The following SMARCAD1 variants were observed in gnomAD, a reference collection of about 807,000 sequenced individuals.
SMARCAD1 encodes SNF2 related chromatin remodeling ATPase with DExD box 1.
SMARCAD1 carries 25 observed loss-of-function variants against 127.1 expected under a neutral mutation model. That is an observed-to-expected ratio of 0.20 (90% CI 0.14 to 0.27). SMARCAD1 has a LOEUF of 0.27. Among genes scored for constraint, SMARCAD1 ranks in the 10% least tolerant of loss-of-function variants. SMARCAD1 has a pLI of 1.00. For missense variants in SMARCAD1, 807 were observed against 1,206.0 expected (o/e 0.67, Z 4.90); for synonymous variants, 400 against 396.9 (o/e 1.01, Z -0.09).
chr4:94,208,457 C>T lies in SMARCAD1; in HGVS notation c.63C>T (p.Pro21=). The T allele has an allele frequency of 1.9e-6, 3 of 1,614,080 alleles. No homozygotes were observed. Among genetic ancestry groups the T allele is most frequent in the Non-Finnish European group, 2.5e-6 (3 of 1,180,022 alleles). ...FEKRNKIEEA[P]EATPQPSQPG... The stretch of plus-strand genomic sequence containing the variant: ...AAAGGAATAAGATTGAGGAAGCGCC[C>T]GAAGCAACCCCTCAACCTTCCCAGC... Residue 21 remains proline, a synonymous_variant, in exon 2 of 24, where the codon CCC becomes CCT. Coordinates refer to ENST00000354268, the MANE Select transcript of SMARCAD1 (RefSeq NM_020159.5).
At chr4:94,274,867 TG>T in intron 13 of SMARCAD1, 22 bp from the exon 14 acceptor site, 1 of 1,600,190 alleles carries the variant, frequency 6.2e-7, no homozygotes, top group Non-Finnish European at 8.6e-7. Flanking sequence ...AATAGTCATG[TG>T]TTTATTGTTT....
chr4:94,252,824 C>T lies in SMARCAD1; in HGVS notation c.1098C>T (p.Val366=), dbSNP rs367710018. Residue 366 remains valine, a synonymous_variant, in exon 9 of 24, where the codon GTC becomes GTT. Transcript: ENST00000354268. ...CTGAATATGATTCAGGTTCTGATGT[C>T]GGTAGTTCACTAGATGAGGACTATA... ...EDSEYDSGSD[V]GSSLDEDYSS... The T allele has an allele frequency of 2.3e-5, 37 of 1,613,908 alleles. No homozygotes were observed. Among genetic ancestry groups the T allele is most frequent in the South Asian group, 1.3e-4 (12 of 91,066 alleles).
At chr4:94,207,695 T>A (rs114036478), upstream of SMARCAD1, 1,452 of 154,794 alleles carry the variant, frequency 9.4e-3, 20 homozygotes, top group African/African-American at 0.033. Flanking sequence ...ATTTTTTTTT[T>A]ATTTTCAACC....
At position 94,252,837 on chromosome 4, in the gene SMARCAD1, G is replaced by A; in HGVS notation, c.1111G>A (p.Asp371Asn). ...DSGSDVGSSL[D>N]EDYSSGEEVM... ...AGGTTCTGATGTCGGTAGTTCACTA[G>A]ATGAGGACTATAGTAGTGGTGAAGA... The change falls in exon 9 of 24, where the codon GAT becomes AAT. Residue 371 changes from aspartate to asparagine, a missense_variant. Around this residue, in one of 8 missense-constraint regions of SMARCAD1, gnomAD observed 257 missense variants for 303.4 expected, o/e 0.85. Coordinates refer to ENST00000354268, the MANE Select transcript of SMARCAD1 (RefSeq NM_020159.5). The A allele has an allele frequency of 6.2e-7, 1 of 1,614,082 alleles. No homozygotes were observed. The highest frequency in any genetic ancestry group is 1.1e-5 in the South Asian group (1 of 91,080).
At chr4:94,246,385 C>T (rs1232483324) in intron 6 of SMARCAD1, among the ~76,000 whole-genome samples, 1 of 152,128 alleles carries the variant, frequency 6.6e-6, no homozygotes. Flanking sequence ...TCCCAGAGTG[C>T]TGGGATTACA....
At chr4:94,238,093 A>G (rs915962378) in intron 5 of SMARCAD1, among the ~76,000 whole-genome samples, 4 of 152,170 alleles carry the variant, frequency 2.6e-5, no homozygotes, top group Admixed American at 6.5e-5. Context: ...TGGACCCATC[A>G]TTCTCCAATA....
Position 94,234,107 on chromosome 4 carries a change from C to A in SMARCAD1, c.522C>A (p.Asp174Glu). The A allele has an allele frequency of 1.9e-6, 3 of 1,604,852 alleles. No individual in the cohort carries two copies. Among genetic ancestry groups the A allele is most frequent in the Non-Finnish European group, 2.6e-6 (3 of 1,174,698 alleles). ...AGGAACTTTTTCCACAAAGAAGTGA[C>A]AATGATTTACTTAAGGTTATATTCA... Reference protein sequence around the residue: ...TLKELFPQRSDNDLLKLIEST... With the variant: ...TLKELFPQRSENDLLKLIEST... Residue 174 changes from aspartate (D) to glutamate (E), a missense_variant, in exon 4 of 24, where the codon GAC (aspartate) becomes GAA (glutamate). Transcript: ENST00000354268.
intron 11 of SMARCAD1, among the ~76,000 whole-genome samples, chr4:94,271,319 C>T (rs1432188095): frequency 2.6e-5 from 4 of 152,228 alleles, no homozygotes; most frequent in Non-Finnish European, 4.4e-5. Flanking sequence ...GCGGTCTCTC[C>T]GGGTCTCTGT....
chr4:94,235,783 A>G lies in SMARCAD1; in HGVS notation c.538-1169A>G, dbSNP rs941241612. The stretch of plus-strand genomic sequence containing the variant: ...ATAAAGGGCCAAATCTCAGTTTAAA[A>G]ATACTTTCACTTGATTGCCAATTTT... On this transcript the variant is annotated intron_variant, in intron 4 of 23. Coordinates refer to ENST00000354268, the MANE Select transcript of SMARCAD1 (RefSeq NM_020159.5). Among the ~76,000 whole-genome samples, 10 of 152,212 alleles carry G rather than the reference A, an allele frequency of 6.6e-5. No individual in the cohort carries two copies. In the South Asian group the frequency reaches 2.1e-3, roughly 32 times the overall value.
At chr4:94,210,067 T>C (rs754934972) in intron 2 of SMARCAD1, among the ~76,000 whole-genome samples, 2 of 152,250 alleles carry the variant, frequency 1.3e-5, no homozygotes, top group African/African-American at 2.4e-5. Context: ...GTTTTAGTTA[T>C]TTATCAGTAT....
intron 7 of SMARCAD1, among the ~76,000 whole-genome samples, 159 bp from the exon 8 acceptor site, chr4:94,250,593 A>C (rs916799853): frequency 6.6e-6 from 1 of 152,150 alleles, no homozygotes; most frequent in Non-Finnish European, 1.5e-5. Flanking sequence ...GTGAAATTAC[A>C]CAGAAAGCAT....
chr4:94,231,251 C>G (rs1745799665), intron 3 of SMARCAD1, among the ~76,000 whole-genome samples: 1 of 151,988 alleles, frequency 6.6e-6, no homozygotes, highest in African/African-American at 2.4e-5. Flanking sequence ...CAGTCTTGAG[C>G]ACATTGCCGA....
At chr4:94,282,331 C>T (rs1222273308) in intron 21 of SMARCAD1, among the ~76,000 whole-genome samples, 1 of 150,840 alleles carries the variant, frequency 6.6e-6, no homozygotes, top group Non-Finnish European at 1.5e-5. Flanking sequence ...CTCCTGACCT[C>T]GTGATCCGCC....
chr4:94,278,443 A>G lies in SMARCAD1; in HGVS notation c.2104A>G (p.Ile702Val), dbSNP rs1169112891. Reference protein sequence around the residue: ...SKTKSADEQSIYEKERIAHAK... With the variant: ...SKTKSADEQSVYEKERIAHAK... The stretch of plus-strand genomic sequence containing the variant: ...TCAGAAATCAGCAGATGAGCAAAGC[A>G]TATATGAAAAGGAGAGAATAGCACA... The change falls in exon 17 of 24, where the codon ATA becomes GTA. Residue 702 changes from isoleucine (I) to valine (V), a missense_variant. Ile to Val is a conservative substitution (Grantham distance 29, BLOSUM62 3). This residue lies in a region of SMARCAD1 where 148 missense variants were observed against 313.2 expected (regional missense o/e 0.47). Transcript: ENST00000354268. The G allele has an allele frequency of 8.1e-6, 13 of 1,613,668 alleles. No individual in the cohort carries two copies. Among genetic ancestry groups the G allele is most frequent in the Non-Finnish European group, 9.3e-6 (11 of 1,179,772 alleles).
In SMARCAD1 at chr4:94,253,325, T is replaced by C. The variant is rs576865619; in HGVS notation, c.1281+318T>C. ...TTAGAGCTTACATTTAGGAAGGAGT[T>C]GTTTGCTAGCCTGTTCTGATCTGTT... On this transcript the variant is annotated intron_variant, in intron 9 of 23. Transcript: ENST00000354268. 5.2e-5 allele frequency: 70 copies of C among 1,340,088 alleles called. No homozygotes were observed. The African/African-American group carries it at 8.7e-4, about 17-fold the overall frequency. The allele number at this position is 1,340,088 out of a possible 1,614,324, so 83.0% of individuals were successfully genotyped here.
intron 5 of SMARCAD1, among the ~76,000 whole-genome samples, chr4:94,238,210 A>G (rs62320427): frequency 0.26 from 39,810 of 151,968 alleles, 6,477 homozygotes; most frequent in Non-Finnish European, 0.36. Context: ...AATTTCCTCC[A>G]GTTTGAGCAA....
chr4:94,270,786 C>G lies in SMARCAD1; in HGVS notation c.1540C>G (p.His514Asp). Reference sequence around the variant, plus strand: ...GAATTGGCTGGCATTGGTACATAAACATGGACTTAATGGCATTTTGGCAGA... The same window carrying G: ...GAATTGGCTGGCATTGGTACATAAAGATGGACTTAATGGCATTTTGGCAGA... ...GLNWLALVHK[H>D]GLNGILADEM... Residue 514 changes from histidine (H) to aspartate (D), a missense_variant, in exon 11 of 24, where the codon CAT (histidine) becomes GAT (aspartate). Physicochemically the swap from His to Asp is moderately conservative, Grantham distance 81 (BLOSUM62 -1). Around this residue, in one of 8 missense-constraint regions of SMARCAD1, gnomAD observed 148 missense variants for 313.2 expected, o/e 0.47. Coordinates refer to ENST00000354268, the MANE Select transcript of SMARCAD1 (RefSeq NM_020159.5). 2 of 1,613,514 alleles carry G rather than the reference C, an allele frequency of 1.2e-6. No individual in the cohort carries two copies. The highest frequency in any genetic ancestry group is 1.7e-6 in the Non-Finnish European group (2 of 1,179,626).
At chr4:94,284,259 G>A (rs567426328) in intron 22 of SMARCAD1, among the ~76,000 whole-genome samples, 4 of 144,374 alleles carry the variant, frequency 2.8e-5, no homozygotes, top group Non-Finnish European at 4.5e-5. Context: ...GCCGGGAGGC[G>A]GAGCTTGCAG....
chr4:94,228,853 G>A (rs898245914), intron 3 of SMARCAD1, among the ~76,000 whole-genome samples: 2 of 152,036 alleles, frequency 1.3e-5, no homozygotes, highest in Admixed American at 6.5e-5. Context: ...CTATTTCTCA[G>A]TCTTTTTCTG....
Sources: allele counts gnomAD v4.1 joint callset (sites outside exome capture counted in the v4.1 genomes callset), GRCh38; gene constraint gnomAD v4.1.1; regional missense constraint gnomAD v4.1.1; transcripts MANE v1.5; gene names NCBI Gene and HGNC (gene_info 2026-07-23, HGNC 2026-07-21).